SEMA3D: variants seen among roughly 807,000 people sequenced by gnomAD.
The protein encoded by SEMA3D is semaphorin 3D.
SEMA3D carries 84 observed loss-of-function variants against 100.1 expected under a neutral mutation model. The observed-to-expected ratio is 0.84, with a 90% confidence interval of 0.70 to 1.01. SEMA3D has a LOEUF of 1.01. SEMA3D is among the 50% of genes least tolerant of loss of function. SEMA3D has a pLI of 0.00. For missense variants in SEMA3D, 875 were observed against 934.1 expected, an observed-to-expected ratio of 0.94 and a Z score of 0.82; for synonymous variants, 312 against 320.7, an observed-to-expected ratio of 0.97 and a Z score of 0.29.
rs549499194 is a variant in SEMA3D at position 85,058,811 on chromosome 7, G to A, written c.719-2952C>T. Among the ~76,000 whole-genome samples, 4 of 149,820 alleles carry A rather than the reference G, an allele frequency of 2.7e-5. No homozygotes were observed. In the South Asian group the frequency reaches 6.3e-4, roughly 24 times the overall value. On this transcript the variant is annotated intron_variant, in intron 8 of 18. Coordinates refer to ENST00000284136, the MANE Select transcript of SEMA3D (RefSeq NM_001384900.1). ...AAATTGTTCTATAAATGTGAGATTC[G>A]GGTTTCTGAAATTCAAGAAAACAGA...
intron 17 of SEMA3D, among the ~76,000 whole-genome samples, chr7:85,008,872 A>T (rs1328481352): frequency 6.6e-6 from 1 of 151,826 alleles, no homozygotes; most frequent in Non-Finnish European, 1.5e-5. Context: ...CAATAATATT[A>T]AAAATACTAT....
chr7:85,130,966 G>A (rs1789710275), intron 2 of SEMA3D, among the ~76,000 whole-genome samples: 1 of 152,060 alleles, frequency 6.6e-6, no homozygotes, highest in Non-Finnish European at 1.5e-5. Context: ...ACCTGAAATT[G>A]TGGATAACAA....
chr7:85,073,128 T>G, intron 5 of SEMA3D, 47 bp from the exon 6 acceptor site: 2 of 1,571,116 alleles, frequency 1.3e-6, no homozygotes, highest in Non-Finnish European at 1.7e-6. Flanking sequence ...TTCAGGTTTT[T>G]GAAATATTAT....
intron 2 of SEMA3D, chr7:85,151,607 G>A (rs1268598444): frequency 1.1e-6 from 1 of 900,454 alleles, no homozygotes. Flanking sequence ...GCGTGTGTGT[G>A]TGTGTGTGTG....
intron 4 of SEMA3D, among the ~76,000 whole-genome samples, chr7:85,096,725 T>C (rs1421239104): frequency 6.6e-6 from 1 of 151,908 alleles, no homozygotes; most frequent in Non-Finnish European, 1.5e-5. Context: ...TGAAGATAAA[T>C]ATTTTGTGTA....
At chr7:85,012,507 A>G (rs988483575) in intron 17 of SEMA3D, among the ~76,000 whole-genome samples, 9 of 151,802 alleles carry the variant, frequency 5.9e-5, no homozygotes, top group African/African-American at 4.8e-5. Flanking sequence ...CAAACTTTAT[A>G]AGGATGGATA....
intron 7 of SEMA3D, among the ~76,000 whole-genome samples, chr7:85,066,447 A>G (rs1456460145): frequency 2.0e-5 from 3 of 151,750 alleles, no homozygotes; most frequent in Non-Finnish European, 4.4e-5. Flanking sequence ...TGAGAAAAAC[A>G]TAAGGGAAGG....
At chr7:85,124,129 C>A (rs1789503015) in intron 2 of SEMA3D, among the ~76,000 whole-genome samples, 1 of 151,750 alleles carries the variant, frequency 6.6e-6, no homozygotes, top group African/African-American at 2.4e-5. Context: ...ACAAAACAGT[C>A]ACTTTAACTG....
chr7:85,236,792 T>C, the SEMA3D span, among the ~76,000 whole-genome samples: 7 of 152,170 alleles, frequency 4.6e-5, no homozygotes, highest in Non-Finnish European at 8.8e-5. Flanking sequence ...TGCATTCTAA[T>C]TTGAATTAAG....
At chr7:85,110,684 T>A (rs1382083232) in intron 3 of SEMA3D, among the ~76,000 whole-genome samples, 1 of 150,780 alleles carries the variant, frequency 6.6e-6, no homozygotes, top group Non-Finnish European at 1.5e-5. Flanking sequence ...AGGTGTAGAT[T>A]ATCCGGCATG....
the SEMA3D span, among the ~76,000 whole-genome samples, chr7:85,199,332 C>A: frequency 2.9e-3 from 434 of 152,030 alleles, 2 homozygotes; most frequent in African/African-American, 0.01. Context: ...TCATTATTTG[C>A]TCTACTTGAT....
chr7:85,188,254 G>A (rs11978869), upstream of SEMA3D, among the ~76,000 whole-genome samples: 12,913 of 152,152 alleles, frequency 0.085, 1,333 homozygotes, highest in East Asian at 0.3. Flanking sequence ...CTAAGGAAAG[G>A]CTCAGGTTTC....
At chr7:85,041,609 A>G (rs1190257333) in intron 10 of SEMA3D, 1 of 152,216 alleles carries the variant, frequency 6.6e-6, no homozygotes, top group Non-Finnish European at 1.5e-5. Flanking sequence ...CAAGTTCAAG[A>G]AGCTAAAAGC....
chr7:84,999,423 T>G lies in SEMA3D; in HGVS notation c.*17A>C, dbSNP rs374096617. On this transcript the variant is annotated 3_prime_UTR_variant, in exon 19 of 19. Coordinates refer to ENST00000284136, the MANE Select transcript of SEMA3D (RefSeq NM_001384900.1). ...TTTTATAGGTAAGGAATTCTTTTCT[T>G]TAAATTAAGTAGAAAACTACGTGGC... 1.0e-5 allele frequency: 16 copies of G among 1,603,636 alleles called. No homozygotes were observed. In the African/African-American group the frequency reaches 1.2e-4, roughly 12 times the overall value.
At chr7:85,249,622 C>T in the SEMA3D span, among the ~76,000 whole-genome samples, 8 of 152,102 alleles carry the variant, frequency 5.3e-5, no homozygotes, top group Admixed American at 2.0e-4. Context: ...AATTGAGGAC[C>T]TACCAATTTT....
At chr7:85,091,396 T>C (rs1788389353) in intron 4 of SEMA3D, among the ~76,000 whole-genome samples, 1 of 151,950 alleles carries the variant, frequency 6.6e-6, no homozygotes, top group African/African-American at 2.4e-5. Context: ...AAGTAACATT[T>C]TCATATGGAA....
chr7:85,008,912 G>A (rs914727345), intron 17 of SEMA3D, among the ~76,000 whole-genome samples: 13 of 151,794 alleles, frequency 8.6e-5, no homozygotes, highest in Admixed American at 4.6e-4. Context: ...ATGCGTATAA[G>A]GTGTATATGA....
intron 2 of SEMA3D, among the ~76,000 whole-genome samples, chr7:85,131,085 T>C (rs1789713849): frequency 6.6e-6 from 1 of 152,096 alleles, no homozygotes; most frequent in Admixed American, 6.6e-5. Context: ...TAAAAATCAT[T>C]ATATTCAATT....
At chr7:85,242,426 C>G in the SEMA3D span, among the ~76,000 whole-genome samples, 199 of 152,094 alleles carry the variant, frequency 1.3e-3, no homozygotes, top group African/African-American at 4.4e-3. Flanking sequence ...TTTTTATTGA[C>G]CTATATGCTC....
Sources: allele counts gnomAD v4.1 joint callset (sites outside exome capture counted in the v4.1 genomes callset), GRCh38; gene constraint gnomAD v4.1.1; transcripts MANE v1.5; gene names NCBI Gene and HGNC (gene_info 2026-07-23, HGNC 2026-07-21).